The following NCKAP1L variants were observed in gnomAD, a reference collection of about 807,000 sequenced individuals.
The protein encoded by NCKAP1L is NCK associated protein 1 like.
A neutral mutation model predicts 139.2 loss-of-function variants in NCKAP1L; 53 were observed. The observed-to-expected ratio is 0.38, with a 90% CI of 0.31 to 0.48. The LOEUF (loss-of-function observed/expected upper bound fraction) is 0.48. NCKAP1L is among the 20% of genes least tolerant of loss of function. The probability of loss-of-function intolerance (pLI) is 0.98; values close to 1 mark genes in which losing one functional copy is unlikely to be tolerated. For synonymous variants in NCKAP1L, 468 were observed against 499.7 expected, an observed-to-expected ratio of 0.94 and a Z score of 0.85; for missense variants, 1,151 against 1,381.9, an observed-to-expected ratio of 0.83 and a Z score of 2.65.
In NCKAP1L at chr12:54,528,339, A is replaced by G. The variant is rs374134946; in HGVS notation, c.2468A>G (p.Glu823Gly). The change falls in exon 22 of 31, where the codon GAG (glutamate) becomes GGG (glycine). Residue 823 changes from glutamate (E) to glycine (G), a missense_variant. Coordinates refer to ENST00000293373, the MANE Select transcript of NCKAP1L (RefSeq NM_005337.5). ...QAFVSLPREG[E>G]QNFSAEEFSD... ...TTCGTCAGCCTGCCCAGAGAAGGGG[A>G]GCAGAACTTCAGTGCAGAGGAGTTC... The G allele has an allele frequency of 9.9e-6, 16 of 1,613,836 alleles. No individual in the cohort carries two copies. Among genetic ancestry groups the G allele is most frequent in the Middle Eastern group, 3.3e-4 (2 of 6,056 alleles).
intron 19 of NCKAP1L, 88 bp downstream of exon 19, chr12:54,523,627 A>G: frequency 6.6e-7 from 1 of 1,513,780 alleles, no homozygotes; most frequent in Non-Finnish European, 8.9e-7. Context: ...GAAAGAAAAG[A>G]GCGCAAGTCA....
At chr12:54,506,796 A>AAAAATATATATATATATATATATAT in intron 3 of NCKAP1L, among the ~76,000 whole-genome samples, 4 of 50,600 alleles carry the variant, frequency 7.9e-5, no homozygotes, top group African/African-American at 1.1e-4. Context: ...AAAAAAAAAA[A>AAAAATATATATATATATATATATAT]ATATATATAT....
intron 22 of NCKAP1L, 70 bp downstream of exon 22, chr12:54,528,447 T>C (rs1022828665): frequency 6.5e-7 from 1 of 1,544,120 alleles, no homozygotes; most frequent in Non-Finnish European, 8.7e-7. Flanking sequence ...AATAAAAGAC[T>C]AGGACATGTA....
chr12:54,516,883 T>C lies in NCKAP1L; in HGVS notation c.999-13T>C, dbSNP rs1956935936. The C allele has an allele frequency of 2.5e-6, 4 of 1,608,046 alleles. No individual in the cohort carries two copies. The highest frequency in any genetic ancestry group is 3.4e-6 in the Non-Finnish European group (4 of 1,175,884). On this transcript the variant is annotated splice_polypyrimidine_tract_variant and intron_variant, in intron 10 of 30. Coordinates refer to ENST00000293373, the MANE Select transcript of NCKAP1L (RefSeq NM_005337.5). ...GGGAGAGGTGATAGTCATGTTCCCC[T>C]TTTCTTCCTTAGTGGCCAGTTTCAT... is the stretch of plus-strand genomic sequence containing the variant.
At chr12:54,501,682 T>G (rs1412732643) in intron 3 of NCKAP1L, among the ~76,000 whole-genome samples, 2 of 152,118 alleles carry the variant, frequency 1.3e-5, no homozygotes, top group African/African-American at 4.8e-5. Flanking sequence ...GTTTTTATAT[T>G]TTTTGTAGAG....
At chr12:54,516,506 C>T (rs1265844110) in intron 10 of NCKAP1L, among the ~76,000 whole-genome samples, 2 of 151,090 alleles carry the variant, frequency 1.3e-5, no homozygotes, top group Non-Finnish European at 2.9e-5. Context: ...GGTGCAATGG[C>T]ATGATCTCGG....
Position 54,545,122 on chromosome 12 carries a change from T to C in NCKAP1L, c.*2437T>C, listed in dbSNP as rs1957188681. On this transcript the variant is annotated 3_prime_UTR_variant, in exon 31 of 31. Transcript: ENST00000293373. ...CTCCCACAACCCCCTTCCCCATCTC[T>C]AGCTCCTGGTAACACAGATATATTC... 6.6e-6 allele frequency: 1 copy of C among 152,204 alleles called. No individual in the cohort carries two copies. Among genetic ancestry groups the C allele is most frequent in the African/African-American group, 2.4e-5 (1 of 41,452 alleles). The allele number at this position is 152,204 out of a possible 1,614,324, so 9.4% of individuals were successfully genotyped here.
intron 30 of NCKAP1L, 139 bp downstream of exon 30, chr12:54,539,112 A>G (rs1477024376): frequency 3.0e-6 from 2 of 669,374 alleles, no homozygotes; most frequent in Admixed American, 5.0e-5. Context: ...TAACCCTCTG[A>G]ATGTAGTCCT....
At chr12:54,506,785 T>TAAA (rs1291340610) in intron 3 of NCKAP1L, among the ~76,000 whole-genome samples, 1,827 of 60,276 alleles carry the variant, frequency 0.03, 100 homozygotes, top group Non-Finnish European at 0.036. Flanking sequence ...GGCAACATAT[T>TAAA]AAAAAAAAAA....
Position 54,512,031 on chromosome 12 carries a change from C to G in NCKAP1L, c.867C>G (p.Leu289=), listed in dbSNP as rs2458409. The G allele has an allele frequency of 0.81, 1,301,133 of 1,613,982 alleles. 525,695 individuals carry two copies. Among genetic ancestry groups the G allele is most frequent in the East Asian group, 0.95 (42,642 of 44,878 alleles). The change falls in exon 9 of 31, where the codon CTC becomes CTG. Residue 289 remains leucine (L), a synonymous_variant. Transcript: ENST00000293373. The part of the protein sequence containing the change: ...KLWKLCLQGS[L]YITLIREDVL... ...GGAAGCTGTGTCTGCAGGGCTCCCT[C>G]TACATCACCCTTATCCGTGAGGATG...
At position 54,528,335 on chromosome 12, in the gene NCKAP1L, G is replaced by C; in HGVS notation, c.2464G>C (p.Gly822Arg). ...GGCCTTCGTCAGCCTGCCCAGAGAA[G>C]GGGAGCAGAACTTCAGTGCAGAGGA... Reference protein sequence around the residue: ...MQAFVSLPREGEQNFSAEEFS... With the variant: ...MQAFVSLPREREQNFSAEEFS... The change falls in exon 22 of 31, where the codon GGG becomes CGG. Residue 822 changes from glycine (G) to arginine (R), a missense_variant. Gly to Arg is a moderately radical substitution (Grantham distance 125, BLOSUM62 -2). Coordinates refer to ENST00000293373, the MANE Select transcript of NCKAP1L (RefSeq NM_005337.5). 1 of 1,614,048 alleles carries C rather than the reference G, an allele frequency of 6.2e-7. No homozygotes were observed. The highest frequency in any genetic ancestry group is 8.5e-7 in the Non-Finnish European group (1 of 1,179,968).
At chr12:54,515,343 G>A (rs985804887) in intron 9 of NCKAP1L, among the ~76,000 whole-genome samples, 24 of 152,126 alleles carry the variant, frequency 1.6e-4, no homozygotes, top group African/African-American at 5.8e-4. Context: ...AGTGATACAG[G>A]ACAAGAGAAA....
At chr12:54,535,710 A>G (rs766603923) in intron 27 of NCKAP1L, among the ~76,000 whole-genome samples, 7 of 152,118 alleles carry the variant, frequency 4.6e-5, no homozygotes, top group Non-Finnish European at 8.8e-5. Context: ...ACCTATACAC[A>G]CTCAGAACAG....
intron 3 of NCKAP1L, among the ~76,000 whole-genome samples, chr12:54,501,399 T>C (rs1198092299): frequency 6.6e-6 from 1 of 152,222 alleles, no homozygotes. Context: ...TTGTAAATGA[T>C]GCTGCTATGA....
At position 54,509,786 on chromosome 12, in the gene NCKAP1L, C is replaced by A. The variant is rs1251382637; in HGVS notation, c.597+27C>A. Reference sequence around the variant, plus strand: ...CAAGTTCCCTGACAATGGAGAATTCCTCAGGCAAAAGTATATTGTCCTCAT... The same window carrying A: ...CAAGTTCCCTGACAATGGAGAATTCATCAGGCAAAAGTATATTGTCCTCAT... On this transcript the variant is annotated intron_variant, in intron 6 of 30. Coordinates refer to ENST00000293373, the MANE Select transcript of NCKAP1L (RefSeq NM_005337.5). 1.9e-6 allele frequency: 3 copies of A among 1,614,044 alleles called. No homozygotes were observed. In the South Asian group the frequency reaches 3.3e-5, roughly 18 times the overall value.
intron 11 of NCKAP1L, among the ~76,000 whole-genome samples, 165 bp downstream of exon 11, chr12:54,517,157 CT>C (rs533913908): frequency 1.3e-3 from 191 of 152,294 alleles, no homozygotes; most frequent in African/African-American, 4.5e-3. Context: ...CCTTTTGTAT[CT>C]CTTTTTTTGG....
chr12:54,512,078 C>A lies in NCKAP1L; in HGVS notation c.914C>A (p.Thr305Asn). ...REDVLQVHKVTEDLFSSLKGY... is the reference protein window; with the variant it reads ...REDVLQVHKVNEDLFSSLKGY... The stretch of plus-strand genomic sequence containing the variant: ...GATGTGCTGCAGGTGCACAAAGTCA[C>A]CGAGGACCTGTTTAGCAGTTTGAAA... The change falls in exon 9 of 31, where the codon ACC becomes AAC. Residue 305 changes from threonine to asparagine, a missense_variant. Transcript: ENST00000293373. 1.9e-6 allele frequency: 3 copies of A among 1,614,134 alleles called. No homozygotes were observed. The highest frequency in any genetic ancestry group is 2.5e-6 in the Non-Finnish European group (3 of 1,180,006).
intron 29 of NCKAP1L, among the ~76,000 whole-genome samples, chr12:54,537,934 G>A (rs1957125677): frequency 6.6e-6 from 1 of 152,026 alleles, no homozygotes; most frequent in African/African-American, 2.4e-5. Context: ...TTTGCCTCTG[G>A]GAAAACTCAG....
At chr12:54,506,734 C>T (rs1486250079) in intron 3 of NCKAP1L, among the ~76,000 whole-genome samples, 2 of 134,620 alleles carry the variant, frequency 1.5e-5, no homozygotes, top group African/African-American at 5.6e-5. Context: ...TGCTTGGCAT[C>T]ATATTTTTTT....
Sources: allele counts gnomAD v4.1 joint callset (sites outside exome capture counted in the v4.1 genomes callset), GRCh38; gene constraint gnomAD v4.1.1; transcripts MANE v1.5; gene names NCBI Gene and HGNC (gene_info 2026-07-23, HGNC 2026-07-21).